Variants in CTBP2 observed in about 807,000 individuals in gnomAD.
The protein encoded by CTBP2 is C-terminal-binding protein 2.
CTBP2 carries 30 observed loss-of-function variants against 80.3 expected under a neutral mutation model. That is an observed-to-expected ratio of 0.37 (90% CI 0.28 to 0.51). The LOEUF (loss-of-function observed/expected upper bound fraction) is 0.51, where lower values mean the gene tolerates loss of function less well. Among genes scored for constraint, CTBP2 ranks in the 20% least tolerant of loss-of-function variants. The pLI, the probability that CTBP2 is intolerant of heterozygous loss-of-function variation, is 0.93. For missense variants in CTBP2, 1,212 were observed against 1,375.3 expected (o/e 0.88, Z 1.88); for synonymous variants, 594 against 587.4 (o/e 1.01, Z -0.16).
chr10:124,994,800 G>A (rs1240163473), intron 4 of CTBP2, 117 bp from the exon 7 acceptor site: 14 of 1,019,094 alleles, frequency 1.4e-5, no homozygotes, highest in South Asian at 7.5e-5. Flanking sequence ...GCTGCTGCCA[G>A]AGAAACCGTG....
upstream of CTBP2, among the ~76,000 whole-genome samples, chr10:125,031,487 TCAAAAAAAAAA>T (rs1958195464): frequency 8.3e-5 from 1 of 12,012 alleles, no homozygotes; most frequent in South Asian, 2.2e-3. Flanking sequence ...AGACTCCATT[TCAAAAAAAAAA>T]AAAAAAAAAA....
At chr10:125,009,399 C>T in intron 1 of CTBP2, among the ~76,000 whole-genome samples, 1 of 152,164 alleles carries the variant, frequency 6.6e-6, no homozygotes, top group East Asian at 1.9e-4. Flanking sequence ...ACACAAACTC[C>T]AGAGGCCGGG....
chr10:125,084,209 C>G (rs575692004), intron 2 of CTBP2, among the ~76,000 whole-genome samples: 24 of 152,342 alleles, frequency 1.6e-4, no homozygotes, highest in African/African-American at 5.1e-4. Context: ...CCTGCCTTGG[C>G]CTCCCAAAGT....
chr10:125,113,189 C>A (rs1852603464), intron 1 of CTBP2, among the ~76,000 whole-genome samples: 1 of 152,208 alleles, frequency 6.6e-6, no homozygotes, highest in Non-Finnish European at 1.5e-5. Context: ...GAGGGACAAG[C>A]ATAGCTTTTC....
chr10:125,079,942 C>A (rs1564870232), intron 2 of CTBP2, among the ~76,000 whole-genome samples: 1 of 152,196 alleles, frequency 6.6e-6, no homozygotes, highest in Non-Finnish European at 1.5e-5. Context: ...ATGTTTTCTG[C>A]AGATTTTAAA....
At chr10:124,995,287 G>A (rs1242126380) in intron 4 of CTBP2, among the ~76,000 whole-genome samples, 3 of 152,160 alleles carry the variant, frequency 2.0e-5, no homozygotes, top group African/African-American at 4.8e-5. Flanking sequence ...GTGGGGCCTC[G>A]CGCCCATCTG....
At chr10:125,127,721 T>A (rs1387677193) in intron 1 of CTBP2, among the ~76,000 whole-genome samples, 2 of 152,146 alleles carry the variant, frequency 1.3e-5, no homozygotes, top group African/African-American at 4.8e-5. Context: ...TTTACAGCCA[T>A]CACTATGCCC....
At chr10:125,111,973 G>A (rs578259440) in intron 1 of CTBP2, among the ~76,000 whole-genome samples, 154 of 152,140 alleles carry the variant, frequency 1.0e-3, no homozygotes, top group Admixed American at 3.4e-3. Flanking sequence ...CGAGCCCCAC[G>A]AGAGAGGGAA....
At chr10:125,092,176 CTTT>C (rs71029238) in intron 2 of CTBP2, among the ~76,000 whole-genome samples, 74 of 87,116 alleles carry the variant, frequency 8.5e-4, no homozygotes, top group African/African-American at 3.0e-3. Context: ...TCTGAAGATT[CTTT>C]TTTTTTTTTT....
In CTBP2 at chr10:125,033,374, C is replaced by T. The variant is rs74618595; in HGVS notation, c.58+5623G>A. Among the ~76,000 whole-genome samples, 563 of 152,298 alleles carry T rather than the reference C, an allele frequency of 3.7e-3. 5 individuals are homozygous for T. The highest frequency in any genetic ancestry group is 0.013 in the African/African-American group (543 of 41,562). Reference sequence around the variant, plus strand: ...TGAGACAGAGACAGAGGAACGCCCTCGAGCGCGCACGCCAAGGTGCCTGAG... The same window carrying T: ...TGAGACAGAGACAGAGGAACGCCCTTGAGCGCGCACGCCAAGGTGCCTGAG... On this transcript the variant is annotated intron_variant, in intron 3 of 10. Transcript: ENST00000337195.
At chr10:125,072,352 C>T (rs576660925) in intron 2 of CTBP2, among the ~76,000 whole-genome samples, 21 of 152,162 alleles carry the variant, frequency 1.4e-4, no homozygotes, top group African/African-American at 3.9e-4. Flanking sequence ...CAGTGACTCA[C>T]GTCTGTAATT....
At chr10:125,105,039 TC>T (rs2135859272) in intron 2 of CTBP2, among the ~76,000 whole-genome samples, 1 of 152,352 alleles carries the variant, frequency 6.6e-6, no homozygotes, top group East Asian at 1.9e-4. Context: ...TCTGCCTCTG[TC>T]ACTCAGGCTA....
At chr10:125,104,738 A>G (rs1851198129) in intron 2 of CTBP2, among the ~76,000 whole-genome samples, 1 of 152,270 alleles carries the variant, frequency 6.6e-6, no homozygotes, top group African/African-American at 2.4e-5. Context: ...GAATTGCAAA[A>G]GCATTCAGTC....
chr10:125,083,441 G>A (rs1334740726), intron 2 of CTBP2, among the ~76,000 whole-genome samples: 1 of 152,164 alleles, frequency 6.6e-6, no homozygotes, highest in Non-Finnish European at 1.5e-5. Context: ...AACACTGACA[G>A]CCATGTGCAG....
At chr10:125,033,891 G>A (rs973079864) in intron 3 of CTBP2, among the ~76,000 whole-genome samples, 2 of 152,132 alleles carry the variant, frequency 1.3e-5, no homozygotes, top group Non-Finnish European at 2.9e-5. Context: ...CCACCAACCA[G>A]GCGGTGGGAA....
chr10:125,035,398 A>T (rs926006635), intron 3 of CTBP2, among the ~76,000 whole-genome samples: 1 of 152,214 alleles, frequency 6.6e-6, no homozygotes, highest in Non-Finnish European at 1.5e-5. Flanking sequence ...TCCCTGAGTC[A>T]TGTTACAAGG....
At chr10:125,148,110 G>A (rs1315521043) in intron 1 of CTBP2, among the ~76,000 whole-genome samples, 2 of 152,038 alleles carry the variant, frequency 1.3e-5, no homozygotes, top group Non-Finnish European at 2.9e-5. Flanking sequence ...TCCTTGTTTT[G>A]CCTCTACTAA....
At chr10:125,058,210 G>A (rs1590396626) in intron 2 of CTBP2, among the ~76,000 whole-genome samples, 1 of 152,062 alleles carries the variant, frequency 6.6e-6, no homozygotes. Context: ...CAGCCAGCCT[G>A]GAATATGCAG....
intron 1 of CTBP2, among the ~76,000 whole-genome samples, chr10:125,137,641 T>C (rs896565259): frequency 6.6e-6 from 1 of 152,240 alleles, no homozygotes; most frequent in East Asian, 1.9e-4. Context: ...AATAACTTAT[T>C]TATTTGCTTA....
Sources: allele counts gnomAD v4.1 joint callset (sites outside exome capture counted in the v4.1 genomes callset), GRCh38; gene constraint gnomAD v4.1.1; transcripts MANE v1.5; gene names NCBI Gene and HGNC (gene_info 2026-07-23, HGNC 2026-07-21).